The following CHD4 variants were observed in gnomAD, a reference collection of about 807,000 sequenced individuals.
CHD4 encodes the protein ATP-dependent chromatin remodeler CHD4.
CHD4 carries 35 observed loss-of-function variants against 235.5 expected under a neutral mutation model. The ratio of observed to expected loss-of-function variants is 0.15; its 90% confidence interval spans 0.11 to 0.20. The LOEUF is 0.20. Among genes scored for constraint, CHD4 ranks in the 10% least tolerant of loss-of-function variants. The pLI, the probability that CHD4 is intolerant of heterozygous loss-of-function variation, is 1.00. For missense variants in CHD4, 1,329 were observed against 2,432.3 expected (o/e 0.55, Z 9.54); for synonymous variants, 900 against 850.2 (o/e 1.06, Z -1.02).
intron 4 of CHD4, 49 bp from the exon 5 acceptor site, chr12:6,601,815 C>A (rs764668500): frequency 1.9e-6 from 3 of 1,580,178 alleles, no homozygotes; most frequent in Admixed American, 1.7e-5. Context: ...AGTGCCCACA[C>A]TTGCTAAGCA....
chr12:6,595,996 A>C lies in CHD4; in HGVS notation c.2024+10T>G. The C allele has an allele frequency of 6.2e-7, 1 of 1,604,216 alleles. No homozygotes were observed. The highest frequency in any genetic ancestry group is 8.5e-7 in the Non-Finnish European group (1 of 1,177,022). ...AGAAACAACTCTATGCCTCACCCAA[A>C]ATCACTCACCTGTGATTCCAATAGC... is the stretch of plus-strand genomic sequence containing the variant. On this transcript the variant is annotated intron_variant, in intron 13 of 39. Transcript: ENST00000544040.
rs1198989767 is a variant in CHD4, at chr12:6,602,610, G to A, written c.101-113C>T. 22 of 1,318,174 alleles carry A rather than the reference G, an allele frequency of 1.7e-5. 1 individual carries two copies. The East Asian group carries it at 4.6e-4, about 28-fold the overall frequency. 81.7% of individuals were successfully genotyped at this position (1,318,174 alleles called of 1,614,324 possible). A position where few individuals can be genotyped will look rare whatever the true frequency, so the allele number is the denominator to read the frequency against. ...CCCACCTCTTGTCCCAGATTCCTCT[G>A]AAGAGAACTGCTATACTCTGTACAG... On this transcript the variant is annotated intron_variant, in intron 2 of 39. Coordinates refer to ENST00000544040, the MANE Select transcript of CHD4 (RefSeq NM_001273.5).
rs371408838 is a variant in CHD4 at position 6,577,821 on chromosome 12, T to C, written c.5325A>G (p.Leu1775=). 39 of 1,614,218 alleles carry C rather than the reference T, an allele frequency of 2.4e-5. No homozygotes were observed. The highest frequency in any genetic ancestry group is 1.8e-4 in the South Asian group (16 of 91,086). Residue 1775 remains leucine, a synonymous_variant, in exon 37 of 40, where the codon TTA becomes TTG. Transcript: ENST00000544040. ...FKGEMNRGNF[L]EIKNKFLARR... ...GAGCTAGAAATTTATTCTTGATCTC[T>C]AAGAAATTGCCACGGTTCATTTCAC...
chr12:6,594,812 C>G (rs1348326854), intron 14 of CHD4, among the ~76,000 whole-genome samples, 162 bp from the exon 15 acceptor site: 1 of 152,156 alleles, frequency 6.6e-6, no homozygotes, highest in African/African-American at 2.4e-5. Flanking sequence ...ATTTCATGTT[C>G]AGTTTAGGGT....
chr12:6,588,500 G>A (rs913563176), intron 22 of CHD4, 78 bp from the exon 23 acceptor site: 85 of 1,519,682 alleles, frequency 5.6e-5, no homozygotes, highest in Non-Finnish European at 7.1e-5. Flanking sequence ...AAATTAAGCC[G>A]GGGGCAGTGG....
rs1271091451 is a variant in CHD4 at position 6,573,159 on chromosome 12, C to T, written c.5472G>A (p.Glu1824=). The change falls in exon 38 of 40, where the codon GAG becomes GAA. Residue 1824 remains glutamate, a synonymous_variant. Transcript: ENST00000544040. ...PSMALNTRFA[E]VECLAESHQH... ...GATGACTTTCCGCCAAACACTCCACCTCAGCAAAGCGGGTGTTGAGGGCCA... is the reference window on the plus strand; with the variant it reads ...GATGACTTTCCGCCAAACACTCCACTTCAGCAAAGCGGGTGTTGAGGGCCA... The T allele has an allele frequency of 6.2e-7, 1 of 1,610,356 alleles. No homozygotes were observed. Among genetic ancestry groups the T allele is most frequent in the Non-Finnish European group, 8.5e-7 (1 of 1,178,616 alleles).
rs756171975 is a variant in CHD4, at chr12:6,581,122, G to A, written c.4831C>T (p.Pro1611Ser). 3.7e-6 allele frequency: 6 copies of A among 1,614,036 alleles called. No individual in the cohort carries two copies. Among genetic ancestry groups the A allele is most frequent in the East Asian group, 2.2e-5 (1 of 44,888 alleles). The change falls in exon 33 of 40, where the codon CCC becomes TCC. Residue 1611 changes from proline (P) to serine (S), a missense_variant. Pro to Ser is a moderately conservative substitution (Grantham distance 74). Around this residue, in one of 26 missense-constraint regions of CHD4, gnomAD observed 219 missense variants for 219.3 expected, o/e 1.00. Coordinates refer to ENST00000544040, the MANE Select transcript of CHD4 (RefSeq NM_001273.5). ...ASEDEKVVVEPPEGEEKVEKA... is the reference protein window; with the variant it reads ...ASEDEKVVVESPEGEEKVEKA... ...TCCACTTTCTCCTCTCCCTCAGGGGGTTCAACAACGACCTTTTCATCCTCT... is the reference window on the plus strand; with the variant it reads ...TCCACTTTCTCCTCTCCCTCAGGGGATTCAACAACGACCTTTTCATCCTCT...
intron 37 of CHD4, among the ~76,000 whole-genome samples, chr12:6,577,547 C>G (rs1489631416): frequency 6.6e-6 from 1 of 152,162 alleles, no homozygotes; most frequent in Admixed American, 6.5e-5. Flanking sequence ...CCAAACAAAC[C>G]CCTCTGCACT....
chr12:6,592,644 G>A, intron 18 of CHD4, 52 bp downstream of exon 18: 2 of 1,591,472 alleles, frequency 1.3e-6, no homozygotes, highest in East Asian at 2.3e-5. Context: ...ATGGGCAACA[G>A]GAAGAATGAG....
chr12:6,597,873 T>C, intron 12 of CHD4, 21 bp downstream of exon 12: 1 of 1,611,166 alleles, frequency 6.2e-7, no homozygotes, highest in Non-Finnish European at 8.5e-7. Flanking sequence ...ACTGCCCGTC[T>C]CCCGTGTGCT....
Position 6,600,593 on chromosome 12 carries a change from G to C in CHD4, c.1004C>G (p.Ser335Cys). 6.2e-7 allele frequency: 1 copy of C among 1,614,038 alleles called. No individual in the cohort carries two copies. Among genetic ancestry groups the C allele is most frequent in the South Asian group, 1.1e-5 (1 of 91,070 alleles). The change falls in exon 8 of 40, where the codon TCC becomes TGC. Residue 335 changes from serine (S) to cysteine (C), a missense_variant. Around this residue, in one of 26 missense-constraint regions of CHD4, gnomAD observed 160 missense variants for 196.6 expected, o/e 0.81. Coordinates refer to ENST00000544040, the MANE Select transcript of CHD4 (RefSeq NM_001273.5). ...GCGGCTGCGGCTACTACGGCTGGTGGAACCATCAGAAACAGAATAGCTATT... is the reference window on the plus strand; with the variant it reads ...GCGGCTGCGGCTACTACGGCTGGTGCAACCATCAGAAACAGAATAGCTATT... Reference protein sequence around the residue: ...SINSYSVSDGSTSRSSRSRKK... With the variant: ...SINSYSVSDGCTSRSSRSRKK...
chr12:6,593,858 G>A lies in CHD4; in HGVS notation c.2314-242C>T, dbSNP rs879894339. Among the ~76,000 whole-genome samples, 11 of 152,084 alleles carry A rather than the reference G, an allele frequency of 7.2e-5. No homozygotes were observed. The highest frequency in any genetic ancestry group is 2.7e-4 in the African/African-American group (11 of 41,480). ...TCTTTATATACTTTTTTTCTGAGAC[G>A]GAGTTTCACTCTTGTTGCCCAGGCT... On this transcript the variant is annotated intron_variant, in intron 15 of 39. Coordinates refer to ENST00000544040, the MANE Select transcript of CHD4 (RefSeq NM_001273.5). This position sits in a 1 kb window ranked among gnomAD's most constrained non-coding sequence, Gnocchi z 4.9.
chr12:6,577,737 A>G, intron 37 of CHD4, 48 bp downstream of exon 37: 1 of 1,609,942 alleles, frequency 6.2e-7, no homozygotes, highest in Non-Finnish European at 8.5e-7. Flanking sequence ...GACGTTACGC[A>G]CTTTCAAGTT....
At chr12:6,574,661 T>G (rs1423381176) in intron 37 of CHD4, among the ~76,000 whole-genome samples, 1 of 152,146 alleles carries the variant, frequency 6.6e-6, no homozygotes, top group Non-Finnish European at 1.5e-5. Flanking sequence ...TAGTGTATGG[T>G]GATGGGGGTC....
chr12:6,584,773 T>C (rs1229077221), intron 25 of CHD4: 1 of 152,260 alleles, frequency 6.6e-6, no homozygotes, highest in Non-Finnish European at 1.5e-5. Flanking sequence ...CTATAGTCAC[T>C]AATCAAAGAA....
intron 2 of CHD4, among the ~76,000 whole-genome samples, chr12:6,604,087 C>G (rs1948646815): frequency 6.6e-6 from 1 of 152,078 alleles, no homozygotes. Context: ...CCAGCTTGGC[C>G]AACATGGTGA....
chr12:6,584,242 G>C (rs1258861020), intron 25 of CHD4: 2 of 152,130 alleles, frequency 1.3e-5, no homozygotes, highest in Middle Eastern at 3.4e-3. Context: ...ACATATATGT[G>C]AGTGTACATA....
At chr12:6,597,168 C>A (rs535496363) in intron 12 of CHD4, among the ~76,000 whole-genome samples, 19 of 149,412 alleles carry the variant, frequency 1.3e-4, no homozygotes, top group African/African-American at 4.7e-4. Context: ...CCCAGCTACT[C>A]GGGAGGCTGA....
Position 6,570,542 on chromosome 12 carries a change from G to A in CHD4, c.*134C>T. 9.2e-7 allele frequency: 1 copy of A among 1,084,394 alleles called. No individual in the cohort carries two copies. The allele number at this position is 1,084,394 out of a possible 1,614,324, so 67.2% of individuals were successfully genotyped here. ...CTCCCTCCCCTCCCCCAGTGCACTG[G>A]GGCTGTTCCTTTACAACATGGAAGA... On this transcript the variant is annotated 3_prime_UTR_variant, in exon 40 of 40. Coordinates refer to ENST00000544040, the MANE Select transcript of CHD4 (RefSeq NM_001273.5).
Sources: gnomAD v4.1 joint callset for allele counts (sites outside exome capture counted in the v4.1 genomes callset) on GRCh38, gnomAD v4.1.1 for gene constraint, gnomAD v4.1.1 regional missense constraint, Gnocchi (gnomAD v3.1) non-coding constraint, MANE v1.5 for transcripts, NCBI Gene and HGNC (gene_info 2026-07-23, HGNC 2026-07-21) for gene names.